Variants in ERC2 observed in about 807,000 individuals in gnomAD.
ERC2 encodes the protein ERC protein 2.
A neutral mutation model predicts 114.8 loss-of-function variants in ERC2; 42 were observed. That is an observed-to-expected ratio of 0.37 (90% CI 0.29 to 0.47). The LOEUF is 0.47. Among genes scored for constraint, ERC2 ranks in the 20% least tolerant of loss-of-function variants. The probability of loss-of-function intolerance (pLI) is 0.99; values close to 1 mark genes in which losing one functional copy is unlikely to be tolerated. For missense variants in ERC2, 939 were observed against 1,150.7 expected (o/e 0.82, Z 2.66); for synonymous variants, 454 against 425.5 (o/e 1.07, Z -0.82).
chr3:55,921,909 GC>G (rs1028951624), intron 13 of ERC2, among the ~76,000 whole-genome samples: 5 of 152,076 alleles, frequency 3.3e-5, no homozygotes, highest in African/African-American at 1.2e-4. Flanking sequence ...TTTAAGTGAA[GC>G]TTTGTTAAAT....
rs369120757 is a variant in ERC2, at chr3:55,999,308, G to A, written c.2062-7058C>T. 6.6e-4 allele frequency among the ~76,000 whole-genome samples: 100 copies of A among 152,230 alleles called. 1 individual carries two copies. In the South Asian group the frequency reaches 0.021, roughly 32 times the overall value. On this transcript the variant is annotated intron_variant, in intron 10 of 17. Transcript: ENST00000288221. ...ATAATGATATCAAGGCAAAATTTTA[G>A]GTTCCTAAGAAATGTCATTAGATAT...
chr3:56,059,630 C>G (rs749415310), intron 7 of ERC2, among the ~76,000 whole-genome samples: 49 of 152,170 alleles, frequency 3.2e-4, no homozygotes, highest in Non-Finnish European at 2.4e-4. Flanking sequence ...GATGTATTCT[C>G]TGTATTTAAG....
chr3:56,423,536 C>T (rs1183286819), intron 2 of ERC2, among the ~76,000 whole-genome samples: 6 of 152,220 alleles, frequency 3.9e-5, no homozygotes, highest in East Asian at 1.9e-4. Context: ...ACTTTATCAA[C>T]GTATGGAGAC....
At chr3:56,180,600 G>A (rs140017393) in intron 3 of ERC2, among the ~76,000 whole-genome samples, 84 of 152,264 alleles carry the variant, frequency 5.5e-4, no homozygotes, top group Middle Eastern at 3.4e-3. Flanking sequence ...GGTATCTAGA[G>A]TAGACAAACT....
intron 13 of ERC2, among the ~76,000 whole-genome samples, chr3:55,922,806 C>T (rs2065505586): frequency 6.6e-6 from 1 of 152,102 alleles, no homozygotes; most frequent in Non-Finnish European, 1.5e-5. Flanking sequence ...ACACAATAAG[C>T]ACATGAACAA....
chr3:56,393,944 C>CA lies in ERC2; in HGVS notation c.657+40406dup, dbSNP rs766363769. 1.8e-3 allele frequency among the ~76,000 whole-genome samples: 242 copies of CA among 138,214 alleles called. 1 individual carries two copies. The highest frequency in any genetic ancestry group is 0.011 in the Middle Eastern group (3 of 276). The allele number at this position is 138,214 out of a possible 152,430, so 90.7% of individuals were successfully genotyped here. A position where few individuals can be genotyped will look rare whatever the true frequency, so the allele number is the denominator to read the frequency against. The stretch of plus-strand genomic sequence containing the variant: ...TACAAGGCCTGGGATAAGCTACAGC[C>CA]AAAAAAAAAAAAGGAATTCTCTTTT... On this transcript the variant is annotated intron_variant, in intron 2 of 17. Transcript: ENST00000288221.
chr3:56,086,044 C>T (rs984877427), intron 6 of ERC2, among the ~76,000 whole-genome samples: 4 of 152,106 alleles, frequency 2.6e-5, no homozygotes, highest in Admixed American at 2.6e-4. Flanking sequence ...GAGTCAAGGG[C>T]TCTTAAAATT....
At chr3:55,910,892 G>A (rs1449175081) in intron 13 of ERC2, among the ~76,000 whole-genome samples, 1 of 152,196 alleles carries the variant, frequency 6.6e-6, no homozygotes, top group Non-Finnish European at 1.5e-5. Context: ...AGGTAAAAAT[G>A]TATCACTTTT....
At chr3:55,577,100 C>A (rs2057024385) in intron 17 of ERC2, among the ~76,000 whole-genome samples, 1 of 152,204 alleles carries the variant, frequency 6.6e-6, no homozygotes, top group East Asian at 1.9e-4. Flanking sequence ...CACCCGATCA[C>A]CTTTTCTTTC....
intron 12 of ERC2, among the ~76,000 whole-genome samples, chr3:55,973,006 A>C (rs1025781185): frequency 2.6e-5 from 4 of 152,192 alleles, no homozygotes; most frequent in African/African-American, 9.6e-5. Flanking sequence ...TTAGGGTTTA[A>C]GATGAGACTT....
chr3:55,906,465 G>T lies in ERC2; in HGVS notation c.2404-17916C>A, dbSNP rs571492875. 2.2e-4 allele frequency among the ~76,000 whole-genome samples: 33 copies of T among 151,860 alleles called. No individual in the cohort carries two copies. In the East Asian group the frequency reaches 5.6e-3, roughly 26 times the overall value. ...AAAAAAAAAAAAAAGTAGTGGCAGG[G>T]GGTTCCCCAACCAGCAGCAGCAGCA... On this transcript the variant is annotated intron_variant, in intron 13 of 17. Coordinates refer to ENST00000288221, the MANE Select transcript of ERC2 (RefSeq NM_015576.3).
intron 17 of ERC2, among the ~76,000 whole-genome samples, chr3:55,525,339 C>G (rs1333767280): frequency 6.6e-6 from 1 of 152,068 alleles, no homozygotes; most frequent in African/African-American, 2.4e-5. Context: ...GGACATAAAC[C>G]CTAATCTGGG....
At chr3:56,015,844 T>C (rs1484536637) in intron 8 of ERC2, among the ~76,000 whole-genome samples, 1 of 152,222 alleles carries the variant, frequency 6.6e-6, no homozygotes, top group African/African-American at 2.4e-5. Context: ...AGCATTCCTT[T>C]TTCTGCCCAG....
chr3:55,673,510 G>A (rs960189068), intron 17 of ERC2, among the ~76,000 whole-genome samples: 5 of 152,150 alleles, frequency 3.3e-5, no homozygotes, highest in Non-Finnish European at 5.9e-5. Flanking sequence ...TTGAACCTGG[G>A]AGACGGAGGT....
intron 3 of ERC2, among the ~76,000 whole-genome samples, chr3:56,202,318 G>A (rs768046894): frequency 3.9e-5 from 6 of 152,036 alleles, no homozygotes; most frequent in South Asian, 2.1e-4. Context: ...CATTAAACAC[G>A]TTTATAAATA....
intron 8 of ERC2, among the ~76,000 whole-genome samples, chr3:56,012,681 C>CA (rs1205360461): frequency 4.0e-5 from 6 of 151,752 alleles, no homozygotes; most frequent in South Asian, 2.1e-4. Context: ...GCATTGATGA[C>CA]AAAAAAAATC....
At chr3:55,882,035 C>A (rs2063139576) in intron 14 of ERC2, among the ~76,000 whole-genome samples, 1 of 152,164 alleles carries the variant, frequency 6.6e-6, no homozygotes, top group South Asian at 2.1e-4. Flanking sequence ...TTGTCCCCTC[C>A]AAAACTCCTA....
At chr3:56,222,904 C>T (rs190226347) in intron 3 of ERC2, among the ~76,000 whole-genome samples, 20 of 152,232 alleles carry the variant, frequency 1.3e-4, no homozygotes, top group Admixed American at 1.3e-3. Context: ...TCAGGCAATG[C>T]CTGTATCTTT....
chr3:56,148,501 G>C (rs191326496), intron 5 of ERC2, among the ~76,000 whole-genome samples: 1 of 152,044 alleles, frequency 6.6e-6, no homozygotes, highest in Non-Finnish European at 1.5e-5. Context: ...TAGCCAGGCC[G>C]GTCTCGAACT....
Sources: allele counts gnomAD v4.1 joint callset (sites outside exome capture counted in the v4.1 genomes callset), GRCh38; gene constraint gnomAD v4.1.1; transcripts MANE v1.5; gene names NCBI Gene and HGNC (gene_info 2026-07-23, HGNC 2026-07-21).